INPP4B: variants seen among roughly 807,000 people sequenced by gnomAD.
INPP4B encodes inositol polyphosphate-4-phosphatase type II B, also known as inositol polyphosphate 4-phosphatase type II.
A neutral mutation model predicts 122.5 loss-of-function variants in INPP4B; 55 were observed. The observed-to-expected ratio is 0.45, with a 90% CI of 0.36 to 0.56. The LOEUF (loss-of-function observed/expected upper bound fraction) is 0.56, where lower values mean the gene tolerates loss of function less well. Ranked by LOEUF, INPP4B falls within the 20% of genes least tolerant of loss-of-function variation. The probability of loss-of-function intolerance (pLI) is 0.00; values close to 1 mark genes in which losing one functional copy is unlikely to be tolerated. For synonymous variants in INPP4B, 403 were observed against 388.7 expected (o/e 1.04, Z -0.43); for missense variants, 1,000 against 1,097.7 (o/e 0.91, Z 1.26).
chr4:142,103,808 CACA>C, intron 23 of INPP4B, among the ~76,000 whole-genome samples: 1 of 152,064 alleles, frequency 6.6e-6, no homozygotes, highest in South Asian at 2.1e-4. Context: ...TTCATAAACA[CACA>C]CACACATACA....
chr4:142,734,429 A>G (rs1766526984), intron 1 of INPP4B, among the ~76,000 whole-genome samples: 1 of 152,190 alleles, frequency 6.6e-6, no homozygotes, highest in African/African-American at 2.4e-5. Context: ...AGGATACAGT[A>G]CCTGAAAGAG....
At chr4:142,272,582 A>G (rs1002246218) in intron 9 of INPP4B, among the ~76,000 whole-genome samples, 15 of 152,000 alleles carry the variant, frequency 9.9e-5, no homozygotes, top group African/African-American at 3.6e-4. Flanking sequence ...AGGTGACAGC[A>G]TGATCTGTGA....
At chr4:142,395,846 T>A (rs1478003836) in intron 7 of INPP4B, among the ~76,000 whole-genome samples, 1 of 152,094 alleles carries the variant, frequency 6.6e-6, no homozygotes, top group East Asian at 1.9e-4. Context: ...TATCTAAAAT[T>A]GTCAAACTCA....
intron 2 of INPP4B, among the ~76,000 whole-genome samples, chr4:142,490,827 T>C (rs1308449431): frequency 6.6e-6 from 1 of 152,200 alleles, no homozygotes; most frequent in Admixed American, 6.5e-5. Context: ...TTTGTCTTTC[T>C]GTGTCTGACT....
intron 2 of INPP4B, among the ~76,000 whole-genome samples, chr4:142,695,775 A>G (rs1428550493): frequency 2.0e-5 from 3 of 152,222 alleles, no homozygotes; most frequent in Non-Finnish European, 2.9e-5. Flanking sequence ...AGTTACTACA[A>G]TCAAATCTTA....
intron 2 of INPP4B, among the ~76,000 whole-genome samples, chr4:142,509,655 T>C (rs1226486449): frequency 2.0e-5 from 3 of 152,258 alleles, no homozygotes; most frequent in Admixed American, 6.5e-5. Context: ...CTGATCCCCT[T>C]CCTTACACCT....
intron 22 of INPP4B, among the ~76,000 whole-genome samples, chr4:142,109,777 A>G (rs952241379): frequency 6.6e-6 from 1 of 152,082 alleles, no homozygotes; most frequent in Admixed American, 6.6e-5. Flanking sequence ...CTGTAATGTA[A>G]TGTTTGTTGA....
chr4:142,160,682 C>G, intron 16 of INPP4B, 121 bp from the exon 17 acceptor site: 1 of 614,486 alleles, frequency 1.6e-6, no homozygotes, highest in Admixed American at 2.9e-5. Context: ...AAAGTACAGA[C>G]GCCAAGGAGA....
At position 142,160,432 on chromosome 4, in the gene INPP4B, G is replaced by T; in HGVS notation, c.1489C>A (p.Pro497Thr). 1 of 1,609,998 alleles carries T rather than the reference G, an allele frequency of 6.2e-7. No homozygotes were observed. The highest frequency in any genetic ancestry group is 1.1e-5 in the South Asian group (1 of 90,766). ...CTCATCACTGGGGGTTGGTCTTGGG[G>T]ACTGCTCTCCTCTGTGCTGCTCTTA... is the stretch of plus-strand genomic sequence containing the variant. ...SPKSSTEESS[P>T]QDQPPVMRGQ... The change falls in exon 17 of 26, where the codon CCC becomes ACC. Residue 497 changes from proline to threonine, a missense_variant. Pro to Thr is a conservative substitution (Grantham distance 38, BLOSUM62 -1). Coordinates refer to ENST00000262992, the MANE Select transcript of INPP4B (RefSeq NM_001101669.3).
intron 1 of INPP4B, among the ~76,000 whole-genome samples, chr4:142,744,848 T>C (rs1768459737): frequency 6.6e-6 from 1 of 151,830 alleles, no homozygotes; most frequent in Admixed American, 6.6e-5. Context: ...GACATAAATA[T>C]AAGATGTTAT....
intron 12 of INPP4B, among the ~76,000 whole-genome samples, chr4:142,214,394 T>C (rs1258365025): frequency 6.6e-6 from 1 of 152,182 alleles, no homozygotes; most frequent in East Asian, 1.9e-4. Flanking sequence ...AGTCTGGATC[T>C]TCTGAGATGT....
intron 2 of INPP4B, among the ~76,000 whole-genome samples, chr4:142,645,363 G>A (rs963033627): frequency 2.6e-5 from 4 of 152,168 alleles, no homozygotes; most frequent in African/African-American, 9.7e-5. Flanking sequence ...CAGAAATCAA[G>A]GCAGTGGAGG....
intron 2 of INPP4B, among the ~76,000 whole-genome samples, chr4:142,711,408 T>C (rs1017798389): frequency 6.6e-6 from 1 of 152,158 alleles, no homozygotes; most frequent in Non-Finnish European, 1.5e-5. Flanking sequence ...CACAGTAATT[T>C]CTGTTTTGTA....
intron 2 of INPP4B, among the ~76,000 whole-genome samples, chr4:142,692,411 T>C (rs1262217740): frequency 6.6e-6 from 1 of 152,204 alleles, no homozygotes; most frequent in African/African-American, 2.4e-5. Context: ...ATTAAAGGTA[T>C]CAAATTGGGC....
At chr4:142,368,805 C>T (rs1316776836) in intron 7 of INPP4B, among the ~76,000 whole-genome samples, 7 of 151,990 alleles carry the variant, frequency 4.6e-5, no homozygotes, top group Non-Finnish European at 1.0e-4. Context: ...AAAAGAGTGA[C>T]TGCAAAAAAC....
At chr4:142,590,847 A>G (rs1243563962) in intron 2 of INPP4B, among the ~76,000 whole-genome samples, 1 of 146,716 alleles carries the variant, frequency 6.8e-6, no homozygotes, top group Non-Finnish European at 1.5e-5. Context: ...AAGCACAGCC[A>G]GTGCCAGATC....
At chr4:142,183,388 TA>T (rs1169504890) in intron 15 of INPP4B, among the ~76,000 whole-genome samples, 2 of 152,212 alleles carry the variant, frequency 1.3e-5, no homozygotes, top group Non-Finnish European at 2.9e-5. Context: ...TCCCCTCTAA[TA>T]AAGATCTTGC....
At chr4:142,741,849 C>G (rs982869751) in intron 1 of INPP4B, among the ~76,000 whole-genome samples, 1 of 151,720 alleles carries the variant, frequency 6.6e-6, no homozygotes, top group Non-Finnish European at 1.5e-5. Flanking sequence ...CAGGGCCAGG[C>G]CTAGGTCATG....
chr4:142,632,869 T>C (rs1208942797), intron 2 of INPP4B, among the ~76,000 whole-genome samples: 2 of 151,440 alleles, frequency 1.3e-5, no homozygotes, highest in Admixed American at 6.6e-5. Context: ...TACTTCACTA[T>C]AAGACAGTTA....
Sources: gnomAD v4.1 joint callset for allele counts (sites outside exome capture counted in the v4.1 genomes callset) on GRCh38, gnomAD v4.1.1 for gene constraint, MANE v1.5 for transcripts, NCBI Gene and HGNC (gene_info 2026-07-23, HGNC 2026-07-21) for gene names.